Variants in USH2A observed in about 807,000 individuals in gnomAD.
USH2A encodes usherin.
Under a neutral mutation model 538.9 loss-of-function variants are expected in USH2A, and 443 were observed. That is an observed-to-expected ratio of 0.82 (90% CI 0.76 to 0.89). The LOEUF is 0.89. USH2A is among the 40% of genes least tolerant of loss of function. USH2A has a pLI of 0.00. For synonymous variants in USH2A, 2,413 were observed against 2,273.5 expected (o/e 1.06, Z -1.75); for missense variants, 6,633 against 6,324.8 (o/e 1.05, Z -1.65).
chr1:215,683,660 A>T (rs888269685), intron 61 of USH2A, among the ~76,000 whole-genome samples: 2 of 152,210 alleles, frequency 1.3e-5, no homozygotes, highest in African/African-American at 4.8e-5. Flanking sequence ...TCATCACTAA[A>T]GACGATTTTC....
intron 14 of USH2A, among the ~76,000 whole-genome samples, chr1:216,230,652 C>G (rs946291077): frequency 4.6e-5 from 7 of 151,974 alleles, no homozygotes; most frequent in African/African-American, 1.7e-4. Flanking sequence ...GTGGAACAGC[C>G]AAAAGGCAGG....
chr1:215,724,363 ACAGT>A (rs1659750738), intron 61 of USH2A, among the ~76,000 whole-genome samples: 4 of 151,642 alleles, frequency 2.6e-5, no homozygotes, highest in Admixed American at 2.6e-4. Flanking sequence ...TCAGACACAG[ACAGT>A]CAAATACCGC....
chr1:216,210,435 A>T (rs1246984096), intron 15 of USH2A, among the ~76,000 whole-genome samples: 1 of 152,042 alleles, frequency 6.6e-6, no homozygotes, highest in African/African-American at 2.4e-5. Flanking sequence ...CAAGCAGCTG[A>T]CCAATCATGC....
In USH2A at chr1:215,634,366, T is replaced by C; in HGVS notation, c.15297+93A>G. 4 of 1,593,428 alleles carry C rather than the reference T, an allele frequency of 2.5e-6. No individual in the cohort carries two copies. The South Asian group carries it at 4.5e-5, about 18-fold the overall frequency. On this transcript the variant is annotated intron_variant, in intron 70 of 71. Coordinates refer to ENST00000307340, the MANE Select transcript of USH2A (RefSeq NM_206933.4). ...TGAAACATAACTTACATCTAATTCC[T>C]TGTTACCATGGCTATGACACATTTT...
intron 3 of USH2A, among the ~76,000 whole-genome samples, chr1:216,376,571 GT>G (rs2038825086): frequency 6.6e-6 from 1 of 152,106 alleles, no homozygotes; most frequent in Non-Finnish European, 1.5e-5. Flanking sequence ...AATGTTTATA[GT>G]TTTTTAAAAA....
chr1:216,274,907 G>A (rs2036642205), intron 11 of USH2A, among the ~76,000 whole-genome samples: 1 of 152,048 alleles, frequency 6.6e-6, no homozygotes, highest in South Asian at 2.1e-4. Flanking sequence ...AATCTCTAAG[G>A]AGTGTGCAAA....
At chr1:215,664,869 T>A (rs1657554540) in intron 64 of USH2A, among the ~76,000 whole-genome samples, 1 of 152,192 alleles carries the variant, frequency 6.6e-6, no homozygotes, top group African/African-American at 2.4e-5. Context: ...ACCTTGTACT[T>A]TCCCGCCTCT....
rs183267174 is a variant in USH2A at position 215,942,342 on chromosome 1, C to T, written c.7121-7547G>A. 8.2e-4 allele frequency among the ~76,000 whole-genome samples: 125 copies of T among 152,224 alleles called. 4 individuals carry two copies. The highest frequency in any genetic ancestry group is 7.1e-3 in the Admixed American group (109 of 15,276). ...ATCTTATGGAGGTGGCATGCTATCA[C>T]CTTTGTTCTGTTCTACTGGTGAGCA... On this transcript the variant is annotated intron_variant, in intron 37 of 71. Transcript: ENST00000307340.
intron 30 of USH2A, among the ~76,000 whole-genome samples, chr1:216,067,698 T>C (rs1172311344): frequency 6.6e-6 from 1 of 152,102 alleles, no homozygotes; most frequent in Admixed American, 6.5e-5. Context: ...TTGTATTGAC[T>C]GGGTGGCTGG....
rs78739029 is a variant in USH2A at position 216,308,150 on chromosome 1, G to C, written c.1644+13733C>G. On this transcript the variant is annotated intron_variant, in intron 9 of 71. Transcript: ENST00000307340. Reference sequence around the variant, plus strand: ...TTGTATGATTTTAAAATTTATATAAGTGTATACAGTGTATGTATTATTCTA... The same window carrying C: ...TTGTATGATTTTAAAATTTATATAACTGTATACAGTGTATGTATTATTCTA... 9.7e-3 allele frequency among the ~76,000 whole-genome samples: 1,473 copies of C among 152,230 alleles called. 20 individuals carry two copies. Among genetic ancestry groups the C allele is most frequent in the African/African-American group, 0.034 (1,428 of 41,530 alleles).
chr1:216,417,892 C>T (rs567635002), intron 3 of USH2A, among the ~76,000 whole-genome samples: 1 of 152,124 alleles, frequency 6.6e-6, no homozygotes, highest in Non-Finnish European at 1.5e-5. Context: ...TTCCAGTGCC[C>T]TGAAAAAACA....
At chr1:216,097,374 A>G (rs1295567955) in intron 21 of USH2A, among the ~76,000 whole-genome samples, 161 bp from the exon 22 acceptor site, 1 of 152,210 alleles carries the variant, frequency 6.6e-6, no homozygotes, top group East Asian at 1.9e-4. Flanking sequence ...GGTTTTAAAT[A>G]TATCCCATTT....
At chr1:216,322,057 T>C in intron 8 of USH2A, 81 bp from the exon 9 acceptor site, 3 of 1,344,646 alleles carry the variant, frequency 2.2e-6, no homozygotes, top group Non-Finnish European at 1.1e-6. Flanking sequence ...CTATATGCAT[T>C]ATGTGAATTT....
intron 11 of USH2A, among the ~76,000 whole-genome samples, chr1:216,257,911 T>C (rs947353726): frequency 6.6e-6 from 1 of 152,078 alleles, no homozygotes; most frequent in African/African-American, 2.4e-5. Context: ...TCTGTGGGGT[T>C]ATTTAGTACC....
rs766062932 is a variant in USH2A, at chr1:216,325,634, G to C, written c.849-35C>G. ...TCAAGAGGGAGACTGTAAGGACAAA[G>C]AGCTTAACAGTAATAGAACTTCTAG... On this transcript the variant is annotated intron_variant, in intron 5 of 71. Transcript: ENST00000307340. The C allele has an allele frequency of 6.3e-6, 10 of 1,599,100 alleles. No homozygotes were observed. The Admixed American group carries it at 1.4e-4, about 22-fold the overall frequency.
intron 20 of USH2A, among the ~76,000 whole-genome samples, chr1:216,184,672 T>C (rs894854517): frequency 5.9e-5 from 9 of 151,950 alleles, no homozygotes; most frequent in Non-Finnish European, 1.5e-5. Flanking sequence ...AGAAAAATAT[T>C]TATATTAGTA....
chr1:216,248,758 G>C (rs533023639), intron 12 of USH2A, among the ~76,000 whole-genome samples: 25 of 152,106 alleles, frequency 1.6e-4, no homozygotes, highest in African/African-American at 5.3e-4. Flanking sequence ...TATCATATCA[G>C]TTTTAAAAAT....
At chr1:215,707,361 C>T (rs948889198) in intron 61 of USH2A, among the ~76,000 whole-genome samples, 3 of 152,152 alleles carry the variant, frequency 2.0e-5, no homozygotes, top group Admixed American at 6.5e-5. Context: ...CTGATTGTCA[C>T]TCACACTAGA....
At chr1:215,937,888 CTTGT>C (rs142727637) in intron 37 of USH2A, among the ~76,000 whole-genome samples, 6,364 of 152,022 alleles carry the variant, frequency 0.042, 175 homozygotes, top group Admixed American at 0.064. Flanking sequence ...TTGCATTTTG[CTTGT>C]TTGTTTGTTT....
Sources: allele counts gnomAD v4.1 joint callset (sites outside exome capture counted in the v4.1 genomes callset), GRCh38; gene constraint gnomAD v4.1.1; transcripts MANE v1.5; gene names NCBI Gene and HGNC (gene_info 2026-07-23, HGNC 2026-07-21).